Variants in LRMDA observed in about 807,000 individuals in gnomAD.
LRMDA encodes the protein leucine rich melanocyte differentiation associated.
A neutral mutation model predicts 29.8 loss-of-function variants in LRMDA; 18 were observed. The ratio of observed to expected loss-of-function variants is 0.60; its 90% CI spans 0.42 to 0.90. LRMDA has a LOEUF of 0.90. LRMDA is among the 40% of genes least tolerant of loss of function. The probability of loss-of-function intolerance (pLI) is 0.00; values close to 1 mark genes in which losing one functional copy is unlikely to be tolerated. For synonymous variants in LRMDA, 125 were observed against 109.4 expected (o/e 1.14, Z -0.89); for missense variants, 273 against 273.9 (o/e 1.00, Z 0.02).
chr10:76,324,290 G>A (rs1840806609), intron 5 of LRMDA, 111 bp from the exon 6 acceptor site: 2 of 928,516 alleles, frequency 2.2e-6, no homozygotes. Flanking sequence ...GTATCTTGGT[G>A]AATAATATTT....
intron 6 of LRMDA, among the ~76,000 whole-genome samples, chr10:76,541,178 T>G (rs563891757): frequency 3.3e-5 from 5 of 152,162 alleles, no homozygotes; most frequent in African/African-American, 1.2e-4. Flanking sequence ...CATCAAACTC[T>G]GCTAGGAGGC....
chr10:76,529,738 G>C (rs1390753778), intron 6 of LRMDA, among the ~76,000 whole-genome samples: 3 of 152,100 alleles, frequency 2.0e-5, no homozygotes, highest in South Asian at 4.1e-4. Flanking sequence ...GATCTTCTCT[G>C]GTAGGGAGAC....
chr10:76,056,147 C>G (rs893012649), intron 4 of LRMDA, among the ~76,000 whole-genome samples: 22 of 152,120 alleles, frequency 1.4e-4, no homozygotes, highest in Non-Finnish European at 2.8e-4. Context: ...GGCAGGTCAT[C>G]TCAGTTTCTG....
intron 5 of LRMDA, among the ~76,000 whole-genome samples, chr10:76,140,357 A>G (rs1218499388): frequency 6.6e-6 from 1 of 152,076 alleles, no homozygotes; most frequent in Admixed American, 6.6e-5. Flanking sequence ...AAAATCTGAA[A>G]TCTGAAATCT....
intron 6 of LRMDA, among the ~76,000 whole-genome samples, chr10:76,345,242 ATT>A (rs375432601): frequency 7.1e-6 from 1 of 140,390 alleles, no homozygotes; most frequent in African/African-American, 2.6e-5. Flanking sequence ...AATTTTTTGT[ATT>A]TTTTTTTTTA....
chr10:76,024,560 T>C (rs975530346), intron 2 of LRMDA, among the ~76,000 whole-genome samples: 1 of 152,194 alleles, frequency 6.6e-6, no homozygotes, highest in Non-Finnish European at 1.5e-5. Context: ...ACAGAAAACG[T>C]GTTTTCACCT....
chr10:75,455,686 ATACCT>A (rs1844507526), intron 2 of LRMDA, among the ~76,000 whole-genome samples: 1 of 152,234 alleles, frequency 6.6e-6, no homozygotes, highest in Non-Finnish European at 1.5e-5. Flanking sequence ...AGACAGGGGC[ATACCT>A]TATGTACACA....
At chr10:76,468,905 G>C (rs1228942607) in intron 6 of LRMDA, among the ~76,000 whole-genome samples, 1 of 152,118 alleles carries the variant, frequency 6.6e-6, no homozygotes, top group African/African-American at 2.4e-5. Context: ...GAAAGAGAGG[G>C]AAAGAGAGGG....
At chr10:75,528,932 A>G (rs1385925851) in intron 2 of LRMDA, among the ~76,000 whole-genome samples, 1 of 152,216 alleles carries the variant, frequency 6.6e-6, no homozygotes, top group Non-Finnish European at 1.5e-5. Flanking sequence ...TTAAAAATTC[A>G]ACACATGAAA....
intron 5 of LRMDA, among the ~76,000 whole-genome samples, chr10:76,185,688 C>T (rs185311328): frequency 6.6e-5 from 10 of 152,262 alleles, no homozygotes; most frequent in East Asian, 5.8e-4. Context: ...GACAGGATGC[C>T]GGGCACATTT....
chr10:76,089,934 A>G (rs551231491), intron 5 of LRMDA, among the ~76,000 whole-genome samples: 2 of 152,352 alleles, frequency 1.3e-5, no homozygotes, highest in Admixed American at 6.5e-5. Flanking sequence ...ACGTGAGCCA[A>G]CGCCCACGGG....
At chr10:75,634,672 T>C (rs1203887873) in intron 2 of LRMDA, among the ~76,000 whole-genome samples, 1 of 152,230 alleles carries the variant, frequency 6.6e-6, no homozygotes, top group African/African-American at 2.4e-5. Context: ...AAGGAGGAGA[T>C]AAACATATCA....
intron 2 of LRMDA, among the ~76,000 whole-genome samples, chr10:75,666,277 T>C (rs1349985393): frequency 2.6e-5 from 4 of 151,786 alleles, no homozygotes; most frequent in African/African-American, 7.3e-5. Context: ...AGAAATTATG[T>C]GCTTGTGATA....
chr10:76,028,804 A>G (rs1003523017), intron 2 of LRMDA, among the ~76,000 whole-genome samples: 1 of 149,296 alleles, frequency 6.7e-6, no homozygotes, highest in Non-Finnish European at 1.5e-5. Context: ...TATTATGAGA[A>G]GCTTATTCAA....
At chr10:76,344,923 C>A (rs12241039) in intron 6 of LRMDA, among the ~76,000 whole-genome samples, 15,714 of 147,670 alleles carry the variant, frequency 0.11, 961 homozygotes, top group East Asian at 0.32. Flanking sequence ...AGAAATCATA[C>A]AAGTACTGAA....
At chr10:75,725,526 G>A (rs1361561830) in intron 2 of LRMDA, among the ~76,000 whole-genome samples, 1 of 152,162 alleles carries the variant, frequency 6.6e-6, no homozygotes, top group Admixed American at 6.5e-5. Context: ...TCGTTTTTGA[G>A]TAGCGTTGTG....
At chr10:76,432,140 T>C (rs1216310483) in intron 6 of LRMDA, among the ~76,000 whole-genome samples, 1 of 152,176 alleles carries the variant, frequency 6.6e-6, no homozygotes, top group Admixed American at 6.5e-5. Context: ...ATCTCCAAAC[T>C]TTCCCTTGAC....
chr10:76,023,870 A>T (rs548067214), intron 2 of LRMDA, among the ~76,000 whole-genome samples: 1 of 152,188 alleles, frequency 6.6e-6, no homozygotes, highest in Non-Finnish European at 1.5e-5. Context: ...ATGCACATTT[A>T]TTTTTCAAAA....
chr10:76,450,788 A>G (rs1236815846), intron 6 of LRMDA, among the ~76,000 whole-genome samples: 2 of 152,150 alleles, frequency 1.3e-5, no homozygotes, highest in African/African-American at 4.8e-5. Context: ...TTTACTAATT[A>G]TCTCTTCATT....
Sources: gnomAD v4.1 joint callset for allele counts (sites outside exome capture counted in the v4.1 genomes callset) on GRCh38, gnomAD v4.1.1 for gene constraint, MANE v1.5 for transcripts, NCBI Gene and HGNC (gene_info 2026-07-23, HGNC 2026-07-21) for gene names.